The following ASTN2 variants were observed in gnomAD, a reference collection of about 807,000 sequenced individuals.
The protein encoded by ASTN2 is astrotactin-2.
Under a neutral mutation model 139.8 loss-of-function variants are expected in ASTN2, and 54 were observed. The observed-to-expected ratio is 0.39, with a 90% confidence interval of 0.31 to 0.48. The LOEUF is 0.48. Among genes scored for constraint, ASTN2 ranks in the 20% least tolerant of loss-of-function variants. ASTN2 has a pLI of 0.95. For synonymous variants in ASTN2, 756 were observed against 719.5 expected (o/e 1.05, Z -0.81); for missense variants, 1,565 against 1,725.1 (o/e 0.91, Z 1.64).
chr9:117,063,828 G>A (rs1017150448), intron 5 of ASTN2, among the ~76,000 whole-genome samples: 1 of 152,034 alleles, frequency 6.6e-6, no homozygotes, highest in Non-Finnish European at 1.5e-5. Flanking sequence ...GGGTCCTAAG[G>A]GTTGTAGCAA....
intron 2 of ASTN2, among the ~76,000 whole-genome samples, chr9:117,224,595 A>T (rs922741263): frequency 6.6e-6 from 1 of 152,248 alleles, no homozygotes; most frequent in East Asian, 1.9e-4. Flanking sequence ...CTAGAAAATT[A>T]AAAAAGCAAA....
Position 117,034,426 on chromosome 9 carries a change from T to C in ASTN2, c.1423+5393A>G, listed in dbSNP as rs140443492. ...TATATCCAATGCTAATGATAGTTAC[T>C]GGAGTTATGCTATGAGGCAGCTCCA... On this transcript the variant is annotated intron_variant, in intron 6 of 22. Coordinates refer to ENST00000313400, the MANE Select transcript of ASTN2 (RefSeq NM_001365068.1). 2.5e-3 allele frequency among the ~76,000 whole-genome samples: 379 copies of C among 152,304 alleles called. 1 individual carries two copies. Among genetic ancestry groups the C allele is most frequent in the African/African-American group, 7.9e-3 (327 of 41,582 alleles).
chr9:116,429,567 C>G (rs1847430585), intron 22 of ASTN2, among the ~76,000 whole-genome samples: 1 of 152,096 alleles, frequency 6.6e-6, no homozygotes, highest in Admixed American at 6.5e-5. Flanking sequence ...TTACTTGGCA[C>G]AAAGCAAGCA....
At chr9:116,974,970 T>A (rs1836304251) in intron 10 of ASTN2, among the ~76,000 whole-genome samples, 1 of 152,194 alleles carries the variant, frequency 6.6e-6, no homozygotes, top group African/African-American at 2.4e-5. Context: ...AGATAATGCA[T>A]CAGCCTCTTT....
chr9:117,080,175 T>C (rs1295327214), intron 5 of ASTN2, among the ~76,000 whole-genome samples: 3 of 152,246 alleles, frequency 2.0e-5, no homozygotes, highest in East Asian at 1.9e-4. Context: ...AATACATGCA[T>C]AATATATAAC....
At chr9:117,260,865 A>G (rs146246805) in intron 2 of ASTN2, among the ~76,000 whole-genome samples, 6 of 152,308 alleles carry the variant, frequency 3.9e-5, no homozygotes, top group Admixed American at 3.9e-4. Flanking sequence ...CAAATAATAT[A>G]TAGCTTAAAT....
intron 5 of ASTN2, among the ~76,000 whole-genome samples, chr9:117,090,766 T>A (rs1423224085): frequency 1.3e-5 from 2 of 152,210 alleles, no homozygotes; most frequent in East Asian, 3.9e-4. Context: ...GATGACAAGG[T>A]GAGGTCAGGA....
At chr9:117,408,831 T>C (rs1359976274) in intron 1 of ASTN2, among the ~76,000 whole-genome samples, 1 of 152,200 alleles carries the variant, frequency 6.6e-6, no homozygotes, top group East Asian at 1.9e-4. Context: ...CATAGTACTT[T>C]CTGAAGGAAG....
At chr9:116,439,901 G>C (rs1847790880) in intron 22 of ASTN2, among the ~76,000 whole-genome samples, 1 of 152,194 alleles carries the variant, frequency 6.6e-6, no homozygotes, top group African/African-American at 2.4e-5. Flanking sequence ...TGTATAGGTA[G>C]CAACCATTTC....
chr9:116,638,034 A>G (rs1181847893), intron 17 of ASTN2, among the ~76,000 whole-genome samples: 1 of 152,218 alleles, frequency 6.6e-6, no homozygotes, highest in Non-Finnish European at 1.5e-5. Context: ...GGAGAATTCA[A>G]AAAGAAGCTC....
chr9:116,474,338 G>A (rs972170924), intron 20 of ASTN2, among the ~76,000 whole-genome samples: 5 of 152,220 alleles, frequency 3.3e-5, no homozygotes, highest in African/African-American at 1.2e-4. Context: ...CCCATAAAGA[G>A]AGAGGGTTTA....
At chr9:117,321,330 A>G (rs1828315823) in intron 1 of ASTN2, among the ~76,000 whole-genome samples, 1 of 152,094 alleles carries the variant, frequency 6.6e-6, no homozygotes, top group African/African-American at 2.4e-5. Flanking sequence ...AAAACCATAA[A>G]TCTTTCTGGC....
intron 4 of ASTN2, among the ~76,000 whole-genome samples, chr9:117,107,115 C>T (rs1233639001): frequency 1.3e-5 from 2 of 151,994 alleles, no homozygotes; most frequent in Admixed American, 1.3e-4. Context: ...ATTATCATTC[C>T]ATTAAGTATT....
chr9:117,074,194 G>C (rs1489724103), intron 5 of ASTN2, among the ~76,000 whole-genome samples: 1 of 152,064 alleles, frequency 6.6e-6, no homozygotes, highest in Admixed American at 6.5e-5. Flanking sequence ...ACATGATTCC[G>C]AGCACTAGCA....
intron 6 of ASTN2, among the ~76,000 whole-genome samples, chr9:117,009,269 C>G (rs1211875742): frequency 6.6e-6 from 1 of 152,058 alleles, no homozygotes; most frequent in East Asian, 1.9e-4. Context: ...AATATTTGCT[C>G]TAAAATGTTC....
At chr9:117,299,128 T>A (rs1202724513) in intron 1 of ASTN2, among the ~76,000 whole-genome samples, 1 of 152,206 alleles carries the variant, frequency 6.6e-6, no homozygotes, top group Non-Finnish European at 1.5e-5. Flanking sequence ...GACATGAGTA[T>A]GTGTATAAAC....
At chr9:117,066,972 T>C (rs1356292342) in intron 5 of ASTN2, among the ~76,000 whole-genome samples, 1 of 109,812 alleles carries the variant, frequency 9.1e-6, no homozygotes, top group Admixed American at 1.0e-4. Context: ...TTCACTCTGA[T>C]GGTAGTTTCT....
At chr9:117,107,418 T>C (rs1487283345) in intron 4 of ASTN2, among the ~76,000 whole-genome samples, 1 of 152,194 alleles carries the variant, frequency 6.6e-6, no homozygotes, top group Non-Finnish European at 1.5e-5. Flanking sequence ...GATATACCAA[T>C]TTTATCCCAA....
chr9:116,577,002 G>A (rs1247341744), intron 19 of ASTN2, among the ~76,000 whole-genome samples: 1 of 152,182 alleles, frequency 6.6e-6, no homozygotes, highest in Non-Finnish European at 1.5e-5. Context: ...TGTGCCAGGA[G>A]CTCTGCTAAG....
Sources: gnomAD v4.1 joint callset for allele counts (sites outside exome capture counted in the v4.1 genomes callset) on GRCh38, gnomAD v4.1.1 for gene constraint, MANE v1.5 for transcripts, NCBI Gene and HGNC (gene_info 2026-07-23, HGNC 2026-07-21) for gene names.